Variants in PDE10A observed in about 807,000 individuals in gnomAD.
PDE10A encodes cAMP and cAMP-inhibited cGMP 3',5'-cyclic phosphodiesterase 10A.
PDE10A carries 39 observed loss-of-function variants against 97.7 expected under a neutral mutation model. The observed-to-expected ratio is 0.40, with a 90% CI of 0.31 to 0.52. The LOEUF is 0.52. Among genes scored for constraint, PDE10A ranks in the 20% least tolerant of loss-of-function variants. PDE10A has a pLI of 0.56. For synonymous variants in PDE10A, 371 were observed against 376.8 expected, an observed-to-expected ratio of 0.98 and a Z score of 0.18; for missense variants, 731 against 1,047.8, an observed-to-expected ratio of 0.70 and a Z score of 4.17.
chr6:165,870,925 T>C (rs112997898), intron 1 of PDE10A, among the ~76,000 whole-genome samples: 94 of 152,284 alleles, frequency 6.2e-4, no homozygotes, highest in African/African-American at 2.1e-3. Context: ...CACAGTAGAA[T>C]GATTGTCATC....
At chr6:165,429,754 A>G (rs1488368396) in intron 9 of PDE10A, among the ~76,000 whole-genome samples, 1 of 152,098 alleles carries the variant, frequency 6.6e-6, no homozygotes, top group East Asian at 1.9e-4. Context: ...AAAATATGTG[A>G]TTTAATAAAT....
chr6:165,518,105 T>C (rs1225527391), intron 2 of PDE10A, among the ~76,000 whole-genome samples: 1 of 152,222 alleles, frequency 6.6e-6, no homozygotes, highest in Admixed American at 6.5e-5. Flanking sequence ...AATATTTTGC[T>C]AAACACTCTG....
chr6:165,901,283 C>T (rs1262958517), intron 1 of PDE10A, among the ~76,000 whole-genome samples: 1 of 152,116 alleles, frequency 6.6e-6, no homozygotes, highest in Non-Finnish European at 1.5e-5. Flanking sequence ...CAAAAAGGGG[C>T]ACTTCTCCTG....
At chr6:165,669,115 T>C (rs1053589889) in intron 1 of PDE10A, among the ~76,000 whole-genome samples, 4 of 152,174 alleles carry the variant, frequency 2.6e-5, no homozygotes, top group South Asian at 4.1e-4. Flanking sequence ...GAGCAGCCAA[T>C]TGGGAGACGT....
intron 5 of PDE10A, among the ~76,000 whole-genome samples, chr6:165,440,054 G>A (rs474861): frequency 0.19 from 29,207 of 151,306 alleles, 3,139 homozygotes; most frequent in Admixed American, 0.28. Context: ...CACTTCTTAA[G>A]AAGAAAAAAA....
At chr6:165,697,066 A>G (rs1229936899) in intron 1 of PDE10A, among the ~76,000 whole-genome samples, 1 of 152,204 alleles carries the variant, frequency 6.6e-6, no homozygotes, top group African/African-American at 2.4e-5. Flanking sequence ...AAACATACCC[A>G]AATACATATC....
chr6:165,622,637 G>C (rs1788199850), intron 1 of PDE10A, among the ~76,000 whole-genome samples: 1 of 152,072 alleles, frequency 6.6e-6, no homozygotes, highest in Non-Finnish European at 1.5e-5. Flanking sequence ...TTATATAGTG[G>C]GTGATTGTGT....
rs16897968 is a variant in PDE10A at position 165,543,218 on chromosome 6, C to G, written c.994+222G>C. Among the ~76,000 whole-genome samples, 751 of 152,266 alleles carry G rather than the reference C, an allele frequency of 4.9e-3. 8 individuals are homozygous for G. The highest frequency in any genetic ancestry group is 0.017 in the African/African-American group (724 of 41,536). ...GTTGTAACTTAATCAACTGAATTCT[C>G]AAGATTTGCCAAATTTTTATTTTTA... On this transcript the variant is annotated intron_variant, in intron 2 of 21. Coordinates refer to ENST00000539869, the MANE Select transcript of PDE10A (RefSeq NM_001385079.1).
At chr6:165,441,263 T>C (rs1440904652) in intron 5 of PDE10A, among the ~76,000 whole-genome samples, 4 of 152,230 alleles carry the variant, frequency 2.6e-5, no homozygotes, top group African/African-American at 9.6e-5. Flanking sequence ...ACAGAGCCTT[T>C]GAGCTCCTCT....
chr6:165,928,531 C>T (rs1446383131), intron 1 of PDE10A, among the ~76,000 whole-genome samples: 1 of 152,208 alleles, frequency 6.6e-6, no homozygotes, highest in Non-Finnish European at 1.5e-5. Flanking sequence ...GTCCTCCAAC[C>T]TTGCTATTCA....
chr6:165,496,053 A>T (rs916462363), intron 2 of PDE10A, among the ~76,000 whole-genome samples: 4 of 151,696 alleles, frequency 2.6e-5, no homozygotes, highest in Non-Finnish European at 5.9e-5. Flanking sequence ...GACGCAGTAT[A>T]AAAAAAGGGT....
At position 165,776,014 on chromosome 6, in the gene PDE10A, G is replaced by A. The variant is rs369779748; in HGVS notation, c.-615+211515C>T. Among the ~76,000 whole-genome samples the A allele has an allele frequency of 1.3e-4, 20 of 152,186 alleles. No individual in the cohort carries two copies. The East Asian group carries it at 3.3e-3, about 25-fold the overall frequency. On this transcript the variant is annotated intron_variant, in intron 1 of 19. Transcript: ENST00000366882. The stretch of plus-strand genomic sequence containing the variant: ...CCAGAGTTTTCAAGTGATTTTATTC[G>A]ATTGGTATGTTCAAGAAGAAATAGG...
In PDE10A at chr6:165,705,517, T is replaced by C. The variant is rs572212826; in HGVS notation, c.-614-161949A>G. 1.7e-4 allele frequency among the ~76,000 whole-genome samples: 26 copies of C among 152,354 alleles called. 1 individual carries two copies. In the South Asian group the frequency reaches 5.4e-3, roughly 32 times the overall value. ...TCGGTGCCTGATGCAGAGCAGGTCT[T>C]CACAAAATACTGCAGTGGGAAGGCA... On this transcript the variant is annotated intron_variant, in intron 1 of 19. Transcript: ENST00000366882.
In PDE10A at chr6:165,366,931, T is replaced by C. The variant is rs533511622; in HGVS notation, c.2783+12263A>G. On this transcript the variant is annotated intron_variant, in intron 18 of 21. Coordinates refer to ENST00000539869, the MANE Select transcript of PDE10A (RefSeq NM_001385079.1). ...GCATCCAGAAAGATAATGGAGCTTG[T>C]TGCCCATTATGTAATATACAAATAT... 8.5e-5 allele frequency among the ~76,000 whole-genome samples: 13 copies of C among 152,292 alleles called. No homozygotes were observed. The East Asian group carries it at 2.3e-3, about 27-fold the overall frequency.
At chr6:165,477,129 T>C (rs1226086132) in intron 3 of PDE10A, among the ~76,000 whole-genome samples, 1 of 152,194 alleles carries the variant, frequency 6.6e-6, no homozygotes, top group Non-Finnish European at 1.5e-5. Flanking sequence ...CCAAGGCTCC[T>C]TCCTTCACTC....
intron 2 of PDE10A, among the ~76,000 whole-genome samples, chr6:165,496,045 C>T (rs553551739): frequency 3.3e-5 from 5 of 151,458 alleles, no homozygotes; most frequent in Non-Finnish European, 5.9e-5. Context: ...GGGAGCAGGA[C>T]GCAGTATAAA....
chr6:165,740,778 T>G (rs2128453270), intron 1 of PDE10A, among the ~76,000 whole-genome samples: 1 of 152,276 alleles, frequency 6.6e-6, no homozygotes, highest in Non-Finnish European at 1.5e-5. Context: ...ACGTAGAATC[T>G]TAAAAAGTCA....
At chr6:165,663,261 ACGC>A (rs376739819), upstream of PDE10A, among the ~76,000 whole-genome samples, 15,864 of 150,240 alleles carry the variant, frequency 0.11, 1,746 homozygotes, top group East Asian at 0.33. Context: ...GGCGCTCCCC[ACGC>A]CGCCGCCGCC....
At chr6:165,917,212 A>G (rs1375328859) in intron 1 of PDE10A, among the ~76,000 whole-genome samples, 3 of 152,102 alleles carry the variant, frequency 2.0e-5, no homozygotes, top group Non-Finnish European at 4.4e-5. Flanking sequence ...ACCTCTTTGC[A>G]TTTTAAAGAA....
Sources: allele counts gnomAD v4.1 joint callset (sites outside exome capture counted in the v4.1 genomes callset), GRCh38; gene constraint gnomAD v4.1.1; transcripts MANE v1.5; gene names NCBI Gene and HGNC (gene_info 2026-07-23, HGNC 2026-07-21).